TMIGD3: variants seen among roughly 807,000 people sequenced by gnomAD.
TMIGD3 encodes AD026 protein (AD026).
TMIGD3 carries 21 observed loss-of-function variants against 28.1 expected under a neutral mutation model. The observed-to-expected ratio is 0.75, with a 90% CI of 0.53 to 1.08. TMIGD3 has a LOEUF of 1.08. Among genes scored for constraint, TMIGD3 ranks in the 50% least tolerant of loss-of-function variants. The pLI is 0.00. For missense variants in TMIGD3, 416 were observed against 435.6 expected, an observed-to-expected ratio of 0.96 and a Z score of 0.40; for synonymous variants, 151 against 162.1, an observed-to-expected ratio of 0.93 and a Z score of 0.52.
At chr1:111,535,328 G>T (rs576612842) in intron 1 of TMIGD3, among the ~76,000 whole-genome samples, 1 of 152,176 alleles carries the variant, frequency 6.6e-6, no homozygotes, top group African/African-American at 2.4e-5. Context: ...TCACACAGAC[G>T]CTTAGTGCAA....
chr1:111,534,836 C>T (rs567608369), intron 1 of TMIGD3, among the ~76,000 whole-genome samples: 3 of 152,240 alleles, frequency 2.0e-5, no homozygotes, highest in Admixed American at 6.5e-5. Context: ...TTACTCTCCA[C>T]CCCCTATTTA....
At chr1:111,537,084 T>G (rs1337019243) in intron 1 of TMIGD3, among the ~76,000 whole-genome samples, 1 of 152,196 alleles carries the variant, frequency 6.6e-6, no homozygotes, top group East Asian at 1.9e-4. Flanking sequence ...GCTCCCACTA[T>G]TTTCACCTAA....
chr1:111,506,164 C>T (rs1204157760), upstream of TMIGD3, among the ~76,000 whole-genome samples: 1 of 152,216 alleles, frequency 6.6e-6, no homozygotes, highest in African/African-American at 2.4e-5. Context: ...ATGACTTCCC[C>T]GCTTAGCCTG....
At chr1:111,486,752 TGA>T in intron 3 of TMIGD3, 100 bp from the exon 4 acceptor site, 1 of 995,226 alleles carries the variant, frequency 1.0e-6, no homozygotes. Context: ...GTCCAGAGAG[TGA>T]GTCCCCTGGT....
chr1:111,510,342 A>G (rs548576968), intron 1 of TMIGD3, among the ~76,000 whole-genome samples: 1 of 152,230 alleles, frequency 6.6e-6, no homozygotes, highest in Admixed American at 6.5e-5. Flanking sequence ...GTTAATATAA[A>G]AAAACTGTAC....
At chr1:111,539,381 T>C (rs1289167967) in intron 1 of TMIGD3, among the ~76,000 whole-genome samples, 1 of 152,184 alleles carries the variant, frequency 6.6e-6, no homozygotes, top group Non-Finnish European at 1.5e-5. Flanking sequence ...CACTGCAACC[T>C]CCATCTCCCG....
Position 111,529,741 on chromosome 1 carries a change from A to G in TMIGD3, c.107+34105T>C, listed in dbSNP as rs913002073. Reference sequence around the variant, plus strand: ...AGAAGAATTTTTCTTAGTACAGAACAAAATGAAAAGTCTCCCATGTCTACC... The same window carrying G: ...AGAAGAATTTTTCTTAGTACAGAACGAAATGAAAAGTCTCCCATGTCTACC... On this transcript the variant is annotated intron_variant, in intron 1 of 5. Transcript: ENST00000369717. Among the ~76,000 whole-genome samples, 63 of 151,626 alleles carry G rather than the reference A, an allele frequency of 4.2e-4. 2 individuals carry two copies. Among genetic ancestry groups the G allele is most frequent in the Admixed American group, 6.6e-4 (10 of 15,240 alleles).
chr1:111,563,803 C>T (rs1396592363), intron 1 of TMIGD3: 5 of 1,529,598 alleles, frequency 3.3e-6, no homozygotes, highest in Non-Finnish European at 4.5e-6. Flanking sequence ...ACTCAGACCC[C>T]AACCTCTGCC....
chr1:111,559,408 T>G (rs1890549), intron 1 of TMIGD3, among the ~76,000 whole-genome samples: 50,602 of 152,040 alleles, frequency 0.33, 9,531 homozygotes, highest in Non-Finnish European at 0.43. Context: ...CTATTCTTTA[T>G]GAAACTTAGT....
At chr1:111,486,549 G>A (rs779014241) in intron 4 of TMIGD3, 37 bp downstream of exon 4, 45 of 1,272,056 alleles carry the variant, frequency 3.5e-5, no homozygotes, top group Admixed American at 8.6e-5. Context: ...CCACCCCACC[G>A]CCCCAAGCCC....
At chr1:111,507,409 G>A (rs556495086), upstream of TMIGD3, among the ~76,000 whole-genome samples, 2 of 152,250 alleles carry the variant, frequency 1.3e-5, no homozygotes, top group African/African-American at 4.8e-5. Context: ...CCTGGCCTGG[G>A]GCCTACTTGG....
At chr1:111,552,785 C>A (rs1054825511) in intron 1 of TMIGD3, among the ~76,000 whole-genome samples, 2 of 152,120 alleles carry the variant, frequency 1.3e-5, no homozygotes, top group East Asian at 3.8e-4. Context: ...ACTTTTTATG[C>A]CTCAGTTTTA....
At chr1:111,489,413 G>A (rs1020031943) in intron 2 of TMIGD3, 18 of 315,784 alleles carry the variant, frequency 5.7e-5, no homozygotes, top group Non-Finnish European at 9.2e-5. Flanking sequence ...TGCAAACCGA[G>A]AGATGGCCTC....
rs780903743 is a variant in TMIGD3 at position 111,500,538 on chromosome 1, A to T, written c.350+2467T>A. 3.2e-5 allele frequency: 51 copies of T among 1,614,034 alleles called. No homozygotes were observed. In the Admixed American group the frequency reaches 8.3e-4, roughly 26 times the overall value. On this transcript the variant is annotated intron_variant, in intron 1 of 5. Coordinates refer to ENST00000369716, the MANE Select transcript of TMIGD3 (RefSeq NM_020683.7). ...CCAGGGCCAGCCATATTCTTCTGTG[A>T]GTGGTGACCCTCTTGTATCTGTGTG...
rs150860893 is a variant in TMIGD3 at position 111,485,818 on chromosome 1, T to C, written c.895A>G (p.Ile299Val). The change falls in exon 5 of 6, where the codon ATA becomes GTA. Residue 299 changes from isoleucine to valine, a missense_variant. Transcript: ENST00000369716. ...ATGATTCCCAAACCCGTGATCAGTA[T>C]GCAAATGATGAGAATGGACGTCCTA... ...RSRTSILIIC[I>V]LITGLGIISV... is the part of the protein sequence containing the mutation. The C allele has an allele frequency of 6.8e-6, 11 of 1,609,746 alleles. No individual in the cohort carries two copies. The highest frequency in any genetic ancestry group is 1.7e-4 in the Middle Eastern group (1 of 6,050).
chr1:111,531,221 T>G (rs1484235607), intron 1 of TMIGD3, among the ~76,000 whole-genome samples: 1 of 151,294 alleles, frequency 6.6e-6, no homozygotes, highest in Non-Finnish European at 1.5e-5. Flanking sequence ...GAGGTTGCAG[T>G]AAGCCAAGGT....
In TMIGD3 at chr1:111,487,140, C is replaced by T. The variant is rs768520686; in HGVS notation, c.806-488G>A. Among the ~76,000 whole-genome samples, 4 of 152,182 alleles carry T rather than the reference C, an allele frequency of 2.6e-5. No individual in the cohort carries two copies. In the South Asian group the frequency reaches 6.2e-4, roughly 24 times the overall value. The stretch of plus-strand genomic sequence containing the variant: ...GGAGCAGTGGCACCACGACCACCTA[C>T]GATACCCCCTCTGATAAGACGTGGG... On this transcript the variant is annotated intron_variant, in intron 3 of 5. Transcript: ENST00000369716.
chr1:111,514,515 T>A (rs1256176752), intron 1 of TMIGD3, among the ~76,000 whole-genome samples: 5 of 151,684 alleles, frequency 3.3e-5, no homozygotes, highest in African/African-American at 1.2e-4. Flanking sequence ...GATCACACCA[T>A]CACCGCACTC....
intron 1 of TMIGD3, among the ~76,000 whole-genome samples, chr1:111,546,842 G>A (rs1657051292): frequency 6.6e-6 from 1 of 152,124 alleles, no homozygotes; most frequent in Non-Finnish European, 1.5e-5. Flanking sequence ...TTGAGGAATT[G>A]TCATATTGGT....
Sources: allele counts gnomAD v4.1 joint callset (sites outside exome capture counted in the v4.1 genomes callset), GRCh38; gene constraint gnomAD v4.1.1; transcripts MANE v1.5; gene names NCBI Gene and HGNC (gene_info 2026-07-23, HGNC 2026-07-21).